Variants in MAPK10 observed in about 807,000 individuals in gnomAD.
MAPK10 encodes mitogen-activated protein kinase 10.
Under a neutral mutation model 59.3 loss-of-function variants are expected in MAPK10, and 25 were observed. The observed-to-expected ratio is 0.42, with a 90% CI of 0.31 to 0.59. The LOEUF is 0.59. MAPK10 is among the 20% of genes least tolerant of loss of function. The pLI is 0.15. For missense variants in MAPK10, 351 were observed against 568.9 expected, an observed-to-expected ratio of 0.62 and a Z score of 3.90; for synonymous variants, 190 against 200.5, an observed-to-expected ratio of 0.95 and a Z score of 0.44.
chr4:86,168,100 A>T (rs2072508888), intron 3 of MAPK10, among the ~76,000 whole-genome samples: 1 of 152,192 alleles, frequency 6.6e-6, no homozygotes, highest in Non-Finnish European at 1.5e-5. Flanking sequence ...GCCTAATAGG[A>T]ACAGCTCCAG....
At chr4:86,104,207 TG>T (rs1361192899) in intron 5 of MAPK10, among the ~76,000 whole-genome samples, 2 of 152,090 alleles carry the variant, frequency 1.3e-5, no homozygotes, top group Non-Finnish European at 2.9e-5. Context: ...CTCAATTCTA[TG>T]GAATGTTTTA....
At chr4:86,391,416 A>G (rs1457811335) in intron 1 of MAPK10, among the ~76,000 whole-genome samples, 1 of 152,234 alleles carries the variant, frequency 6.6e-6, no homozygotes, top group Non-Finnish European at 1.5e-5. Flanking sequence ...CATATCATGC[A>G]TGTATCTACA....
At chr4:86,303,529 C>A (rs575227388) in intron 2 of MAPK10, among the ~76,000 whole-genome samples, 22 of 152,182 alleles carry the variant, frequency 1.4e-4, no homozygotes, top group Middle Eastern at 3.4e-3. Context: ...ATTTGATAAA[C>A]ACAGTAGCGA....
rs12644947 is a variant in MAPK10 at position 86,100,785 on chromosome 4, G to A, written c.730+267C>T. Reference sequence around the variant, plus strand: ...TAGGCACGTGTGCTAATCAGCATCCGCTTGACTGTTTAATCAGACTCCATT... The same window carrying A: ...TAGGCACGTGTGCTAATCAGCATCCACTTGACTGTTTAATCAGACTCCATT... On this transcript the variant is annotated intron_variant, in intron 8 of 13. Coordinates refer to ENST00000641462, the MANE Select transcript of MAPK10 (RefSeq NM_138982.4). The A allele has an allele frequency of 0.4, 129,433 of 320,638 alleles. 27,794 individuals carry two copies. Among genetic ancestry groups the A allele is most frequent in the African/African-American group, 0.61 (29,268 of 48,128 alleles). The allele number at this position is 320,638 out of a possible 1,614,324, so 19.9% of individuals were successfully genotyped here.
intron 1 of MAPK10, among the ~76,000 whole-genome samples, chr4:86,365,623 T>G (rs1161248344): frequency 6.6e-6 from 1 of 152,018 alleles, no homozygotes; most frequent in Non-Finnish European, 1.5e-5. Flanking sequence ...CAATTCTTTT[T>G]TACAGTTATC....
chr4:86,261,203 C>T (rs181503019), intron 2 of MAPK10, among the ~76,000 whole-genome samples: 1 of 152,314 alleles, frequency 6.6e-6, no homozygotes, highest in East Asian at 1.9e-4. Context: ...GCAACTTGTC[C>T]TTCACAATAA....
At chr4:86,396,897 T>C (rs1190535558) in intron 1 of MAPK10, among the ~76,000 whole-genome samples, 1 of 152,234 alleles carries the variant, frequency 6.6e-6, no homozygotes, top group Non-Finnish European at 1.5e-5. Flanking sequence ...TAACACTTAC[T>C]AGTAATTTTT....
intron 3 of MAPK10, among the ~76,000 whole-genome samples, chr4:86,168,199 A>AGACAGTGGGTGCAG (rs1237569584): frequency 7.7e-4 from 118 of 152,318 alleles, no homozygotes; most frequent in African/African-American, 2.7e-3. Flanking sequence ...AGGGAGTGCC[A>AGACAGTGGGTGCAG]GACAGTGGGT....
In MAPK10 at chr4:86,168,731, G is replaced by A. The variant is rs572035743; in HGVS notation, c.67-9264C>T. On this transcript the variant is annotated intron_variant, in intron 3 of 13. Coordinates refer to ENST00000641462, the MANE Select transcript of MAPK10 (RefSeq NM_138982.4). ...GCAGTGGTTCTCCCAGCACACAGCT[G>A]GAGATCTGAGAACGGGCAGACTGCC... Among the ~76,000 whole-genome samples, 398 of 151,948 alleles carry A rather than the reference G, an allele frequency of 2.6e-3. 1 individual carries two copies. The highest frequency in any genetic ancestry group is 8.8e-3 in the African/African-American group (366 of 41,438).
At chr4:86,320,854 C>T (rs2095874866) in intron 2 of MAPK10, among the ~76,000 whole-genome samples, 2 of 152,050 alleles carry the variant, frequency 1.3e-5, no homozygotes, top group South Asian at 4.1e-4. Context: ...GGAAGGGATC[C>T]AGTTTCAGCT....
intron 1 of MAPK10, chr4:86,356,702 A>T (rs1654198671): frequency 6.6e-6 from 1 of 152,220 alleles, no homozygotes; most frequent in Non-Finnish European, 1.5e-5. Flanking sequence ...TCTAAGTTAC[A>T]TTTTTTAAAC....
At chr4:86,298,089 T>C (rs1380574038) in intron 2 of MAPK10, among the ~76,000 whole-genome samples, 1 of 152,222 alleles carries the variant, frequency 6.6e-6, no homozygotes, top group Non-Finnish European at 1.5e-5. Context: ...GGATTCCATG[T>C]TTTCTGTAAG....
At chr4:86,515,529 T>C (rs993121185) in intron 1 of MAPK10, among the ~76,000 whole-genome samples, 2 of 152,240 alleles carry the variant, frequency 1.3e-5, no homozygotes, top group African/African-American at 4.8e-5. Context: ...ATGGCCATTC[T>C]TGTGGGAATA....
chr4:86,417,060 GTACATAAA>G (rs1355693890), intron 1 of MAPK10, among the ~76,000 whole-genome samples: 1 of 152,094 alleles, frequency 6.6e-6, no homozygotes, highest in African/African-American at 2.4e-5. Context: ...ATATAAATAA[GTACATAAA>G]TACATCAAAA....
intron 1 of MAPK10, among the ~76,000 whole-genome samples, chr4:86,418,416 T>G (rs1458580123): frequency 1.3e-5 from 2 of 152,180 alleles, no homozygotes; most frequent in African/African-American, 4.8e-5. Flanking sequence ...AGATTAAAAT[T>G]AAAAGTTCAT....
At chr4:86,351,752 T>C (rs1042869041) in intron 2 of MAPK10, among the ~76,000 whole-genome samples, 3 of 152,094 alleles carry the variant, frequency 2.0e-5, no homozygotes, top group African/African-American at 7.2e-5. Flanking sequence ...TTAACCTCTC[T>C]AAACCTTGGT....
intron 4 of MAPK10, among the ~76,000 whole-genome samples, chr4:86,117,239 C>T (rs952870666): frequency 1.3e-5 from 2 of 152,154 alleles, no homozygotes; most frequent in African/African-American, 4.8e-5. Flanking sequence ...TGAGACCACC[C>T]CATATCAATA....
intron 1 of MAPK10, among the ~76,000 whole-genome samples, chr4:86,512,653 C>T (rs1429418583): frequency 6.6e-6 from 1 of 152,134 alleles, no homozygotes; most frequent in Non-Finnish European, 1.5e-5. Context: ...TTGCTATCTA[C>T]CTACAGACTA....
At chr4:86,029,104 T>C (rs1297232164) in intron 13 of MAPK10, 93 bp downstream of exon 13, 2 of 822,354 alleles carry the variant, frequency 2.4e-6, no homozygotes, top group African/African-American at 3.3e-5. Context: ...ATCTGCTCTT[T>C]AAGCAATGTT....
Sources: gnomAD v4.1 joint callset for allele counts (sites outside exome capture counted in the v4.1 genomes callset) on GRCh38, gnomAD v4.1.1 for gene constraint, MANE v1.5 for transcripts, NCBI Gene and HGNC (gene_info 2026-07-23, HGNC 2026-07-21) for gene names.